RAD51B: variants seen among roughly 807,000 people sequenced by gnomAD.
RAD51B encodes the protein RAD51 paralog B, also known as DNA repair protein RAD51 homolog 2.
Under a neutral mutation model 42.2 loss-of-function variants are expected in RAD51B, and 38 were observed. The observed-to-expected ratio is 0.90, with a 90% CI of 0.70 to 1.18. The LOEUF (loss-of-function observed/expected upper bound fraction) is 1.18. RAD51B is among the 50% of genes most tolerant of loss of function. RAD51B has a pLI of 0.00. For missense variants in RAD51B, 373 were observed against 400.7 expected, an observed-to-expected ratio of 0.93 and a Z score of 0.59; for synonymous variants, 154 against 145.2, an observed-to-expected ratio of 1.06 and a Z score of -0.43.
At chr14:68,277,318 C>T (rs989670175) in intron 7 of RAD51B, among the ~76,000 whole-genome samples, 8 of 152,186 alleles carry the variant, frequency 5.3e-5, no homozygotes, top group Non-Finnish European at 1.0e-4. Context: ...TCCAGTTCCA[C>T]GGGACATAAC....
chr14:67,966,997 A>G (rs1049946989), intron 7 of RAD51B, among the ~76,000 whole-genome samples: 14 of 152,324 alleles, frequency 9.2e-5, no homozygotes, highest in Admixed American at 9.1e-4. Flanking sequence ...GAGACTGGGA[A>G]GAAAAAGAGG....
intron 10 of RAD51B, among the ~76,000 whole-genome samples, chr14:68,647,634 A>G (rs571646098): frequency 6.6e-6 from 1 of 152,294 alleles, no homozygotes; most frequent in East Asian, 1.9e-4. Flanking sequence ...ACCACATTAT[A>G]TGGTGCTTTT....
intron 7 of RAD51B, among the ~76,000 whole-genome samples, chr14:68,226,817 A>C (rs932337744): frequency 1.1e-4 from 17 of 152,242 alleles, no homozygotes; most frequent in South Asian, 2.1e-4. Context: ...GTAGAACCCA[A>C]ATCTCCTGAC....
intron 8 of RAD51B, among the ~76,000 whole-genome samples, chr14:68,359,688 A>G (rs2082981180): frequency 6.6e-6 from 1 of 152,216 alleles, no homozygotes; most frequent in South Asian, 2.1e-4. Flanking sequence ...CCTCAAAGGA[A>G]TCATTTGGAA....
intron 10 of RAD51B, among the ~76,000 whole-genome samples, chr14:68,576,159 A>G (rs1473860707): frequency 6.6e-6 from 1 of 152,174 alleles, no homozygotes; most frequent in Non-Finnish European, 1.5e-5. Context: ...GCAGGGGAAG[A>G]GACACCCTCC....
chr14:68,480,847 C>T (rs1397838341), downstream of RAD51B, among the ~76,000 whole-genome samples: 1 of 152,160 alleles, frequency 6.6e-6, no homozygotes, highest in African/African-American at 2.4e-5. Flanking sequence ...AGTTCCCCAA[C>T]CAACTTCAGG....
At chr14:68,564,327 G>T (rs1566939053) in intron 10 of RAD51B, among the ~76,000 whole-genome samples, 1 of 152,198 alleles carries the variant, frequency 6.6e-6, no homozygotes. Flanking sequence ...GTGGGTATTG[G>T]CCTGCAGCTT....
chr14:67,833,201 C>T (rs922259895), intron 3 of RAD51B, among the ~76,000 whole-genome samples: 1 of 152,106 alleles, frequency 6.6e-6, no homozygotes, highest in Non-Finnish European at 1.5e-5. Context: ...CATGGCAAAA[C>T]CCCGTCTCTA....
intron 8 of RAD51B, among the ~76,000 whole-genome samples, chr14:68,319,412 A>G (rs911840290): frequency 5.3e-5 from 8 of 152,230 alleles, no homozygotes; most frequent in Admixed American, 5.2e-4. Flanking sequence ...TGTTACTTCA[A>G]TAAAAAAACT....
At chr14:68,406,016 A>T (rs767538742) in intron 8 of RAD51B, among the ~76,000 whole-genome samples, 15 of 152,256 alleles carry the variant, frequency 9.9e-5, no homozygotes, top group Middle Eastern at 3.4e-3. Context: ...GCTAAGCAAG[A>T]TAGAATTAAG....
At chr14:68,470,250 G>T (rs1216021913) in intron 10 of RAD51B, among the ~76,000 whole-genome samples, 1 of 152,126 alleles carries the variant, frequency 6.6e-6, no homozygotes. Flanking sequence ...TGCTTTCTAA[G>T]TTGTTTTCTC....
chr14:68,630,667 G>T (rs1191332102), intron 10 of RAD51B, among the ~76,000 whole-genome samples: 2 of 152,200 alleles, frequency 1.3e-5, no homozygotes, highest in Non-Finnish European at 2.9e-5. Flanking sequence ...CTGAGCTTCA[G>T]AGGGTGGGAT....
chr14:68,443,860 T>A (rs1317184294), intron 9 of RAD51B, among the ~76,000 whole-genome samples: 1 of 152,070 alleles, frequency 6.6e-6, no homozygotes, highest in Admixed American at 6.5e-5. Context: ...AAAACAAAAC[T>A]TTCTGCTTTC....
chr14:68,365,336 AC>A (rs2083119858), intron 8 of RAD51B, among the ~76,000 whole-genome samples: 1 of 152,258 alleles, frequency 6.6e-6, no homozygotes, highest in Non-Finnish European at 1.5e-5. Context: ...CCACTGGAAG[AC>A]AAAGAACTGT....
At chr14:68,469,542 A>G (rs1391891825) in intron 10 of RAD51B, among the ~76,000 whole-genome samples, 1 of 152,202 alleles carries the variant, frequency 6.6e-6, no homozygotes, top group Non-Finnish European at 1.5e-5. Context: ...ACAATTGCAA[A>G]TAGTGTTTTC....
At chr14:67,879,838 G>C (rs779416278) in intron 5 of RAD51B, among the ~76,000 whole-genome samples, 2 of 152,168 alleles carry the variant, frequency 1.3e-5, no homozygotes, top group Admixed American at 6.5e-5. Flanking sequence ...TATTTTAATA[G>C]TCTCTTCAGA....
In RAD51B at chr14:68,220,043, G is replaced by T. The variant is rs543206664; in HGVS notation, c.757-71841G>T. Among the ~76,000 whole-genome samples, 4 of 152,166 alleles carry T rather than the reference G, an allele frequency of 2.6e-5. No individual in the cohort carries two copies. In the South Asian group the frequency reaches 8.3e-4, roughly 32 times the overall value. On this transcript the variant is annotated intron_variant, in intron 7 of 10. Transcript: ENST00000471583. ...AAATCAAGGACACACTTAGAGAAAT[G>T]AAGTCCCAGCAATAGAATCAAACAA...
intron 11 of RAD51B, among the ~76,000 whole-genome samples, chr14:68,658,581 T>G (rs1595050960): frequency 1.3e-5 from 2 of 152,254 alleles, no homozygotes; most frequent in East Asian, 3.9e-4. Context: ...ACAATCCCTC[T>G]ACAAGGAATA....
At chr14:68,324,672 T>C (rs2082217060) in intron 8 of RAD51B, among the ~76,000 whole-genome samples, 3 of 152,174 alleles carry the variant, frequency 2.0e-5, no homozygotes, top group South Asian at 4.1e-4. Flanking sequence ...TTTTCTAGAG[T>C]GTGACTATTT....
Sources: allele counts gnomAD v4.1 joint callset (sites outside exome capture counted in the v4.1 genomes callset), GRCh38; gene constraint gnomAD v4.1.1; transcripts MANE v1.5; gene names NCBI Gene and HGNC (gene_info 2026-07-23, HGNC 2026-07-21).